The following WDR82 variants were observed in gnomAD, a reference collection of about 807,000 sequenced individuals.
WDR82 encodes the protein WD repeat-containing protein 82.
WDR82 carries 8 observed loss-of-function variants against 36.1 expected under a neutral mutation model. That is an observed-to-expected ratio of 0.22 (90% CI 0.13 to 0.40). WDR82 has a LOEUF of 0.40. Ranked by LOEUF, WDR82 falls within the 10% of genes least tolerant of loss-of-function variation. The pLI, the probability that WDR82 is intolerant of heterozygous loss-of-function variation, is 1.00. For synonymous variants in WDR82, 129 were observed against 137.8 expected (o/e 0.94, Z 0.45); for missense variants, 185 against 400.5 (o/e 0.46, Z 4.59).
At chr3:52,264,440 T>A (rs1363258593) in intron 3 of WDR82, among the ~76,000 whole-genome samples, 1 of 152,116 alleles carries the variant, frequency 6.6e-6, no homozygotes, top group Non-Finnish European at 1.5e-5. Context: ...CAGTGGCTTT[T>A]TAACTAGAGG....
rs1408494812 is a variant in WDR82 at position 52,257,438 on chromosome 3, T to G, written c.*52A>C. The G allele has an allele frequency of 6.2e-7, 1 of 1,613,384 alleles. No individual in the cohort carries two copies. Among genetic ancestry groups the G allele is most frequent in the African/African-American group, 1.3e-5 (1 of 74,896 alleles). On this transcript the variant is annotated 3_prime_UTR_variant, in exon 9 of 9. Coordinates refer to ENST00000296490, the MANE Select transcript of WDR82 (RefSeq NM_025222.4). ...ACTATTATCTCAGTTCCCTCTGAGT[T>G]TCTTCCTGCTGGCCGCCCTCACTAT...
At chr3:52,261,306 C>CT (rs1700059430) in intron 4 of WDR82, 74 bp downstream of exon 4, 1 of 1,290,684 alleles carries the variant, frequency 7.7e-7, no homozygotes, top group African/African-American at 1.5e-5. Flanking sequence ...TTTCTCCCTT[C>CT]TTTGAGAGGT....
intron 2 of WDR82, among the ~76,000 whole-genome samples, chr3:52,270,232 G>A (rs1362724131): frequency 6.6e-6 from 1 of 152,148 alleles, no homozygotes; most frequent in African/African-American, 2.4e-5. Flanking sequence ...AGATTCTCCT[G>A]CCTCAGCCTC....
chr3:52,268,308 C>T (rs1390290960), intron 2 of WDR82: 1 of 472,206 alleles, frequency 2.1e-6, no homozygotes, highest in Non-Finnish European at 4.4e-6. Flanking sequence ...CAGTTATCTC[C>T]TGTACCGGGT....
intron 1 of WDR82, among the ~76,000 whole-genome samples, chr3:52,272,164 TC>T (rs1700160255): frequency 6.6e-6 from 1 of 152,196 alleles, no homozygotes; most frequent in African/African-American, 2.4e-5. Flanking sequence ...CTTAAATGTC[TC>T]CCTTTACAGA....
At chr3:52,273,689 C>T (rs1262190384) in intron 1 of WDR82, among the ~76,000 whole-genome samples, 1 of 152,162 alleles carries the variant, frequency 6.6e-6, no homozygotes. Context: ...GGCACGATCT[C>T]GGCTCACTGC....
At position 52,278,268 on chromosome 3, in the gene WDR82, T is replaced by G; in HGVS notation, c.94A>C (p.Asn32His). The stretch of plus-strand genomic sequence containing the variant: ...CTACTCGAGATGACCGTCTCGCCGT[T>G]GGGGCTGAAATCGAAGCAGTTAATC... Reference protein sequence around the residue: ...DKINCFDFSPNGETVISSSDD... With the variant: ...DKINCFDFSPHGETVISSSDD... Residue 32 changes from asparagine (N) to histidine (H), a missense_variant, in exon 1 of 9, where the codon AAC becomes CAC. Around this residue, in one of 3 missense-constraint regions of WDR82, gnomAD observed 49 missense variants for 80.6 expected, o/e 0.61. Transcript: ENST00000296490. 6.2e-7 allele frequency: 1 copy of G among 1,611,584 alleles called. No individual in the cohort carries two copies. Among genetic ancestry groups the G allele is most frequent in the Non-Finnish European group, 8.5e-7 (1 of 1,179,042 alleles).
chr3:52,262,731 T>G (rs1368483735), intron 3 of WDR82, among the ~76,000 whole-genome samples: 1 of 152,242 alleles, frequency 6.6e-6, no homozygotes, highest in East Asian at 1.9e-4. Flanking sequence ...AAACATTTTC[T>G]TCCAATGTAA....
At chr3:52,263,114 C>T (rs1377566379) in intron 3 of WDR82, among the ~76,000 whole-genome samples, 1 of 152,146 alleles carries the variant, frequency 6.6e-6, no homozygotes, top group Admixed American at 6.5e-5. Context: ...GGAAACAGAG[C>T]AAGGCACCGT....
intron 2 of WDR82, chr3:52,268,030 A>G (rs1309017768): frequency 4.4e-6 from 1 of 224,826 alleles, no homozygotes; most frequent in African/African-American, 2.2e-5. Flanking sequence ...AGGGCATTTA[A>G]CTTGGGAGGG....
intron 1 of WDR82, among the ~76,000 whole-genome samples, chr3:52,275,657 G>A (rs1319079628): frequency 2.0e-5 from 3 of 152,168 alleles, no homozygotes; most frequent in East Asian, 1.9e-4. Context: ...AGGCTGAGGC[G>A]GGTAGATCAC....
chr3:52,265,606 C>G (rs1700099048), intron 3 of WDR82, among the ~76,000 whole-genome samples: 1 of 135,318 alleles, frequency 7.4e-6, no homozygotes, highest in Non-Finnish European at 1.5e-5. Context: ...GGGTCTTGCT[C>G]TGTCACCCAG....
intron 6 of WDR82, 46 bp downstream of exon 6, chr3:52,259,671 G>T: frequency 6.3e-7 from 1 of 1,581,496 alleles, no homozygotes; most frequent in Non-Finnish European, 8.6e-7. Context: ...CTTAGCATAG[G>T]AAGTATGAGC....
In WDR82 at chr3:52,269,798, A is replaced by G. The variant is rs772859007; in HGVS notation, c.259+914T>C. Among the ~76,000 whole-genome samples, 7 of 152,238 alleles carry G rather than the reference A, an allele frequency of 4.6e-5. No individual in the cohort carries two copies. In the East Asian group the frequency reaches 7.7e-4, roughly 17 times the overall value. On this transcript the variant is annotated intron_variant, in intron 2 of 8. Coordinates refer to ENST00000296490, the MANE Select transcript of WDR82 (RefSeq NM_025222.4). The stretch of plus-strand genomic sequence containing the variant: ...AAAATTAAAGAATTCTAACATGAAA[A>G]TAAGTGTTACAGTTCAGTTACCAAG...
Position 52,278,616 on chromosome 3 carries a change from G to C in WDR82, c.-255C>G, listed in dbSNP as rs1233366064. 4 of 399,752 alleles carry C rather than the reference G, an allele frequency of 1.0e-5. No individual in the cohort carries two copies. 24.8% of individuals were successfully genotyped at this position (399,752 alleles called of 1,614,324 possible). On this transcript the variant is annotated 5_prime_UTR_variant, in exon 1 of 9. Coordinates refer to ENST00000296490, the MANE Select transcript of WDR82 (RefSeq NM_025222.4). ...AACCGGCGCGTCGCCGGCTCATTGTGTCCGCCATTTTGGGGCGACAGGCAG... is the reference window on the plus strand; with the variant it reads ...AACCGGCGCGTCGCCGGCTCATTGTCTCCGCCATTTTGGGGCGACAGGCAG...
At chr3:52,268,420 G>T (rs1398210077) in intron 2 of WDR82, 1 of 457,898 alleles carries the variant, frequency 2.2e-6, no homozygotes, top group African/African-American at 2.0e-5. Context: ...ACTTGAGACA[G>T]GAAAGGGAAC....
chr3:52,258,797 A>G, intron 7 of WDR82, 119 bp from the exon 8 acceptor site: 1 of 1,402,656 alleles, frequency 7.1e-7, no homozygotes, highest in Middle Eastern at 1.8e-4. Context: ...CCCTCAGGCA[A>G]AATTGAGAGG....
At chr3:52,272,194 A>G (rs1559456007) in intron 1 of WDR82, among the ~76,000 whole-genome samples, 1 of 152,236 alleles carries the variant, frequency 6.6e-6, no homozygotes, top group South Asian at 2.1e-4. Context: ...GAGCAAGGCT[A>G]AAACTGGTCT....
intron 1 of WDR82, among the ~76,000 whole-genome samples, chr3:52,272,361 T>G (rs927456443): frequency 6.6e-6 from 1 of 151,844 alleles, no homozygotes; most frequent in African/African-American, 2.4e-5. Flanking sequence ...CTGGCCAACA[T>G]GGCGAAACGC....
Sources: gnomAD v4.1 joint callset for allele counts (sites outside exome capture counted in the v4.1 genomes callset) on GRCh38, gnomAD v4.1.1 for gene constraint, gnomAD v4.1.1 regional missense constraint, MANE v1.5 for transcripts, NCBI Gene and HGNC (gene_info 2026-07-23, HGNC 2026-07-21) for gene names.